Variants in RGS9 observed in about 807,000 individuals in gnomAD.
The protein encoded by RGS9 is regulator of G-protein signalling 9.
RGS9 carries 78 observed loss-of-function variants against 102.0 expected under a neutral mutation model. That is an observed-to-expected ratio of 0.76 (90% CI 0.64 to 0.92). The LOEUF is 0.92. Ranked by LOEUF, RGS9 falls within the 40% of genes least tolerant of loss-of-function variation. The pLI is 0.00. For synonymous variants in RGS9, 353 were observed against 318.6 expected (o/e 1.11, Z -1.15); for missense variants, 833 against 866.1 (o/e 0.96, Z 0.48).
At position 65,189,306 on chromosome 17, in the gene RGS9, C is replaced by CA; in HGVS notation, c.681dup (p.Glu228ArgfsTer28). 3 of 1,610,992 alleles carry CA rather than the reference C, an allele frequency of 1.9e-6. No homozygotes were observed. Among genetic ancestry groups the CA allele is most frequent in the Middle Eastern group, 3.4e-4 (2 of 5,962 alleles). ...TACAGAAACAAACAGTCGTTGCTGT[C>CA]AAAAAAGAGGTAATTAGTCTTACAC... On this transcript the variant is annotated frameshift_variant, in exon 10 of 19. Coordinates refer to ENST00000262406, the MANE Select transcript of RGS9 (RefSeq NM_003835.4). LOFTEE classifies it high-confidence loss of function.
intron 1 of RGS9, among the ~76,000 whole-genome samples, chr17:65,144,715 A>T (rs1457692785): frequency 3.9e-5 from 6 of 152,180 alleles, no homozygotes. Flanking sequence ...TAGCAAGGGC[A>T]TCTCACTCCC....
At chr17:65,209,055 A>G (rs1242229851) in intron 16 of RGS9, among the ~76,000 whole-genome samples, 1 of 152,188 alleles carries the variant, frequency 6.6e-6, no homozygotes, top group Non-Finnish European at 1.5e-5. Context: ...GCCAGAAAGT[A>G]ATGAGGGGAC....
intron 16 of RGS9, among the ~76,000 whole-genome samples, chr17:65,209,496 C>T (rs532561871): frequency 2.6e-5 from 4 of 152,334 alleles, no homozygotes; most frequent in South Asian, 2.1e-4. Flanking sequence ...TCCAAGCTTA[C>T]GTGGGCCCTC....
At position 65,160,735 on chromosome 17, in the gene RGS9, C is replaced by G. The variant is rs187823126; in HGVS notation, c.365-116C>G. The G allele has an allele frequency of 1.3e-4, 177 of 1,382,380 alleles. No individual in the cohort carries two copies. The African/African-American group carries it at 2.2e-3, about 17-fold the overall frequency. 85.6% of individuals were successfully genotyped at this position (1,382,380 alleles called of 1,614,324 possible). A position where few individuals can be genotyped will look rare whatever the true frequency, so the allele number is the denominator to read the frequency against. On this transcript the variant is annotated intron_variant, in intron 5 of 18. Coordinates refer to ENST00000262406, the MANE Select transcript of RGS9 (RefSeq NM_003835.4). ...TGGGCATGTCCCCAGGGGCAAGGGG[C>G]TGGGTGTGCTGAGCGTTCTCTCCCC...
intron 2 of RGS9, 33 bp from the exon 3 acceptor site, chr17:65,158,262 T>A (rs1910847122): frequency 6.2e-7 from 1 of 1,610,484 alleles, no homozygotes; most frequent in South Asian, 1.1e-5. Context: ...CAGGAGGCTA[T>A]GACAATAACC....
Position 65,143,916 on chromosome 17 carries a change from A to G in RGS9, c.57+6319A>G, listed in dbSNP as rs149429996. Among the ~76,000 whole-genome samples, 135 of 151,134 alleles carry G rather than the reference A, an allele frequency of 8.9e-4. 1 individual carries two copies. Among genetic ancestry groups the G allele is most frequent in the Non-Finnish European group, 1.5e-3 (100 of 67,798 alleles). On this transcript the variant is annotated intron_variant, in intron 1 of 18. Coordinates refer to ENST00000262406, the MANE Select transcript of RGS9 (RefSeq NM_003835.4). ...TTTGAGGCCACAGTGAGCTATGATCATGCCACTGTACTCCAGCCTGAAAAA... is the reference window on the plus strand; with the variant it reads ...TTTGAGGCCACAGTGAGCTATGATCGTGCCACTGTACTCCAGCCTGAAAAA...
rs1270915903 is a variant in RGS9 at position 65,200,164 on chromosome 17, TG to T, written c.977-1826del. ...CTCCTGCCTCAGCCTCCTGAGTAGC[TG>T]GGATTAGAGGCGCCCGCCACCACGG... On this transcript the variant is annotated intron_variant, in intron 13 of 18. Transcript: ENST00000262406. Among the ~76,000 whole-genome samples the T allele has an allele frequency of 5.9e-5, 9 of 152,244 alleles. No individual in the cohort carries two copies. In the East Asian group the frequency reaches 1.7e-3, roughly 30 times the overall value.
intron 6 of RGS9, 29 bp downstream of exon 6, chr17:65,160,938 T>A (rs768517045): frequency 1.9e-6 from 3 of 1,571,164 alleles, no homozygotes; most frequent in Non-Finnish European, 2.6e-6. Context: ...GTAGAGGTTG[T>A]TATAATTGAG....
At chr17:65,190,109 C>A in intron 10 of RGS9, 66 bp from the exon 11 acceptor site, 1 of 1,268,560 alleles carries the variant, frequency 7.9e-7, no homozygotes, top group Non-Finnish European at 1.2e-6. Context: ...GGTTTGGAGG[C>A]TGTGTGTAGT....
At chr17:65,168,545 CT>C (rs5821624) in intron 8 of RGS9, among the ~76,000 whole-genome samples, 6,444 of 85,238 alleles carry the variant, frequency 0.076, 251 homozygotes, top group African/African-American at 0.21. Flanking sequence ...AGGGCTGGGA[CT>C]TTTTTTTTTT....
At chr17:65,205,193 A>T (rs1221026864) in intron 15 of RGS9, among the ~76,000 whole-genome samples, 1 of 152,218 alleles carries the variant, frequency 6.6e-6, no homozygotes, top group Non-Finnish European at 1.5e-5. Flanking sequence ...AGTTAGCCTT[A>T]AAGAACTTGT....
rs538118183 is a variant in RGS9 at position 65,197,352 on chromosome 17, C to T, written c.976+111C>T. ...CTCAGCAGATGTTTTCAGAGCTTTG[C>T]TTATGCCCTTAAACAGTTGCTTCCT... On this transcript the variant is annotated intron_variant, in intron 13 of 18. Transcript: ENST00000262406. The T allele has an allele frequency of 5.0e-5, 38 of 760,340 alleles. No homozygotes were observed. In the South Asian group the frequency reaches 5.2e-4, roughly 10 times the overall value. 47.1% of individuals were successfully genotyped at this position (760,340 alleles called of 1,614,324 possible).
At chr17:65,155,602 A>G (rs1910738705) in intron 2 of RGS9, among the ~76,000 whole-genome samples, 3 of 152,078 alleles carry the variant, frequency 2.0e-5, no homozygotes, top group African/African-American at 7.2e-5. Flanking sequence ...GTGCAGTCAT[A>G]AAATTATGGC....
intron 8 of RGS9, among the ~76,000 whole-genome samples, chr17:65,168,959 A>T (rs1877822): frequency 6.6e-6 from 1 of 151,982 alleles, no homozygotes; most frequent in East Asian, 1.9e-4. Flanking sequence ...TAACTCTGCT[A>T]CCTCAGTTTC....
chr17:65,190,084 G>A, intron 10 of RGS9, 91 bp from the exon 11 acceptor site: 1 of 1,044,284 alleles, frequency 9.6e-7, no homozygotes, highest in Non-Finnish European at 1.5e-6. Context: ...TGTGGCTCTG[G>A]GTAAATGGCT....
intron 16 of RGS9, 54 bp from the exon 17 acceptor site, chr17:65,210,434 T>C: frequency 6.3e-7 from 1 of 1,591,676 alleles, no homozygotes; most frequent in Non-Finnish European, 8.6e-7. Context: ...ACAGGGTCAG[T>C]GTTGGGCAAG....
chr17:65,180,447 G>T (rs4791228), intron 9 of RGS9, among the ~76,000 whole-genome samples: 58,587 of 151,878 alleles, frequency 0.39, 15,875 homozygotes, highest in African/African-American at 0.76. Flanking sequence ...CTTCCGGGTT[G>T]AAGTAACTCC....
At chr17:65,184,192 C>G (rs529393667) in intron 9 of RGS9, among the ~76,000 whole-genome samples, 47 of 151,406 alleles carry the variant, frequency 3.1e-4, no homozygotes, top group African/African-American at 9.4e-4. Flanking sequence ...ATTGTGCGTA[C>G]TTTTTTTTTG....
intron 2 of RGS9, among the ~76,000 whole-genome samples, chr17:65,156,553 C>T (rs1750516993): frequency 6.6e-6 from 1 of 152,052 alleles, no homozygotes; most frequent in South Asian, 2.1e-4. Flanking sequence ...GGACGGCAGG[C>T]GTCCCAGGGC....
Sources: allele counts gnomAD v4.1 joint callset (sites outside exome capture counted in the v4.1 genomes callset), GRCh38; gene constraint gnomAD v4.1.1; transcripts MANE v1.5; gene names NCBI Gene and HGNC (gene_info 2026-07-23, HGNC 2026-07-21).